The following CENPF variants were observed in gnomAD, a reference collection of about 807,000 sequenced individuals.
CENPF encodes the protein centromere protein F.
In CENPF, 214 loss-of-function variants were observed where a neutral mutation model predicts 307.3. The observed-to-expected ratio is 0.70, with a 90% confidence interval of 0.62 to 0.78. The LOEUF (loss-of-function observed/expected upper bound fraction) is 0.78, where lower values mean the gene tolerates loss of function less well. Ranked by LOEUF, CENPF falls within the 30% of genes least tolerant of loss-of-function variation. The pLI is 0.00. For synonymous variants in CENPF, 1,259 were observed against 1,270.6 expected (o/e 0.99, Z 0.19); for missense variants, 3,401 against 3,483.9 (o/e 0.98, Z 0.60).
Position 214,657,387 on chromosome 1 carries a change from A to T in CENPF, c.8940A>T (p.Gly2980=). 2 of 1,608,004 alleles carry T rather than the reference A, an allele frequency of 1.2e-6. No individual in the cohort carries two copies. The highest frequency in any genetic ancestry group is 1.7e-6 in the Non-Finnish European group (2 of 1,178,448). Reference sequence around the variant, plus strand: ...AAGGTACTGAGTTTGAGCCAGAGGGACTTCCAGAAGTTGTAAAGAAAGGTA... The same window carrying T: ...AAGGTACTGAGTTTGAGCCAGAGGGTCTTCCAGAAGTTGTAAAGAAAGGTA... ...DTEGTEFEPE[G]LPEVVKKGFA... Residue 2980 remains glycine, a synonymous_variant, in exon 18 of 20, where the codon GGA becomes GGT. Coordinates refer to ENST00000366955, the MANE Select transcript of CENPF (RefSeq NM_016343.4).
rs1657112657 is a variant in CENPF at position 214,608,779 on chromosome 1, C to T, written c.-41-4935C>T. 14 of 1,600,570 alleles carry T rather than the reference C, an allele frequency of 8.7e-6. 1 individual carries two copies. In the South Asian group the frequency reaches 9.9e-5, roughly 11 times the overall value. On this transcript the variant is annotated intron_variant, in intron 1 of 19. Transcript: ENST00000366955. The stretch of plus-strand genomic sequence containing the variant: ...CAGGAAGGCGAGCTTGGCAGCGATG[C>T]GGCCGGGGCAGGGCGGGCAGCAGAA...
intron 2 of CENPF, 84 bp downstream of exon 2, chr1:214,614,000 T>C: frequency 2.4e-6 from 3 of 1,270,660 alleles, no homozygotes; most frequent in Middle Eastern, 4.0e-4. Context: ...CACTCATTTT[T>C]GGATTAATTA....
At position 214,652,913 on chromosome 1, in the gene CENPF, T is replaced by G; in HGVS notation, c.8246T>G (p.Leu2749Ter). Residue 2749 changes from leucine (L) to a stop codon, truncating the protein, a stop_gained, in exon 16 of 20, where the codon TTA becomes TGA. Coordinates refer to ENST00000366955, the MANE Select transcript of CENPF (RefSeq NM_016343.4). LOFTEE classifies it high-confidence loss of function. Reference protein sequence around the residue: ...LSSQKLEIDLLKSSKEELNNS... With the variant: ...LSSQKLEIDL ...TCACAGAAGCTGGAGATAGACCTTT[T>G]AAAGTCTAGTAAAGAAGAGCTCAAT... The G allele has an allele frequency of 6.2e-7, 1 of 1,606,272 alleles. No homozygotes were observed. Among genetic ancestry groups the G allele is most frequent in the Non-Finnish European group, 8.5e-7 (1 of 1,176,272 alleles).
At position 214,632,575 on chromosome 1, in the gene CENPF, G is replaced by A. The variant is rs549689911; in HGVS notation, c.1419G>A (p.Lys473=). 1 of 1,614,076 alleles carries A rather than the reference G, an allele frequency of 6.2e-7. No individual in the cohort carries two copies. The highest frequency in any genetic ancestry group is 2.2e-5 in the East Asian group (1 of 44,862). ...AGGCGTTCCAGGCGAGTCAGATCAA[G>A]GAGAATGAGCTGAGGAGAAGCATGG... ...AEQAFQASQI[K]ENELRRSMEE... Residue 473 remains lysine (K), a synonymous_variant, in exon 10 of 20, where the codon AAG becomes AAA. Transcript: ENST00000366955.
At chr1:214,639,108 A>G (rs1658037761) in intron 11 of CENPF, among the ~76,000 whole-genome samples, 1 of 152,130 alleles carries the variant, frequency 6.6e-6, no homozygotes, top group African/African-American at 2.4e-5. Flanking sequence ...AATACATGTT[A>G]CCTTTATCAT....
chr1:214,648,890 T>G, intron 14 of CENPF, 63 bp downstream of exon 14: 2 of 1,528,362 alleles, frequency 1.3e-6, no homozygotes, highest in Middle Eastern at 1.8e-4. Context: ...CTCTCCTTAT[T>G]GGTTCCTGTA....
intron 1 of CENPF, among the ~76,000 whole-genome samples, chr1:214,609,111 G>A (rs1218097435): frequency 1.3e-5 from 2 of 151,582 alleles, no homozygotes; most frequent in Non-Finnish European, 2.9e-5. Context: ...CCCCAGGGCC[G>A]CACTCCATGG....
In CENPF at chr1:214,641,339, G is replaced by A. The variant is rs1658106562; in HGVS notation, c.3001G>A (p.Ala1001Thr). 6.2e-7 allele frequency: 1 copy of A among 1,612,092 alleles called. No individual in the cohort carries two copies. Among genetic ancestry groups the A allele is most frequent in the Non-Finnish European group, 8.5e-7 (1 of 1,179,528 alleles). ...MNLIQKSESFANYIDEREKSI... is the reference protein window; with the variant it reads ...MNLIQKSESFTNYIDEREKSI... ...CTTAATCCAGAAAAGTGAGAGTTTT[G>A]CAAACTATATAGATGAAAGGGAGAA... The change falls in exon 12 of 20, where the codon GCA becomes ACA. Residue 1001 changes from alanine to threonine, a missense_variant. Transcript: ENST00000366955.
At chr1:214,626,692 A>C (rs1038093902) in intron 7 of CENPF, among the ~76,000 whole-genome samples, 2 of 152,204 alleles carry the variant, frequency 1.3e-5, no homozygotes, top group Non-Finnish European at 2.9e-5. Context: ...CTAATCAGTA[A>C]AATTGTGTTA....
chr1:214,661,669 G>A (rs914393385), intron 19 of CENPF, among the ~76,000 whole-genome samples: 1 of 152,190 alleles, frequency 6.6e-6, no homozygotes, highest in Admixed American at 6.5e-5. Context: ...TTGTAGACCT[G>A]ATCTCCTGAA....
chr1:214,643,502 C>T (rs1043594043), intron 12 of CENPF, among the ~76,000 whole-genome samples, 178 bp downstream of exon 12: 2 of 151,790 alleles, frequency 1.3e-5, no homozygotes, highest in Admixed American at 6.5e-5. Context: ...AATGAGTAAA[C>T]GTTATTTGAG....
In CENPF at chr1:214,656,930, C is replaced by G; in HGVS notation, c.8486-3C>G. On this transcript the variant is annotated splice_region_variant and splice_polypyrimidine_tract_variant and intron_variant, in intron 17 of 19. Coordinates refer to ENST00000366955, the MANE Select transcript of CENPF (RefSeq NM_016343.4). The stretch of plus-strand genomic sequence containing the variant: ...ACATGATGTGTTGCTTTACTTTGGA[C>G]AGGTACTGTTATGGATACCAAGGTC... 1 of 1,578,914 alleles carries G rather than the reference C, an allele frequency of 6.3e-7. No individual in the cohort carries two copies. Among genetic ancestry groups the G allele is most frequent in the Non-Finnish European group, 8.6e-7 (1 of 1,162,306 alleles).
At chr1:214,605,760 T>TG (rs1219115475) in intron 1 of CENPF, 2 of 1,593,976 alleles carry the variant, frequency 1.3e-6, no homozygotes, top group African/African-American at 1.3e-5. Flanking sequence ...TCGTTGTGCC[T>TG]GGTGCCCTCC....
At chr1:214,612,032 T>G (rs1291589836) in intron 1 of CENPF, among the ~76,000 whole-genome samples, 1 of 152,190 alleles carries the variant, frequency 6.6e-6, no homozygotes, top group Admixed American at 6.5e-5. Flanking sequence ...ATAGGAGTAG[T>G]GGAAGAGGGC....
intron 1 of CENPF, among the ~76,000 whole-genome samples, chr1:214,610,121 G>A (rs1657161011): frequency 1.3e-5 from 2 of 151,436 alleles, no homozygotes; most frequent in African/African-American, 4.9e-5. Flanking sequence ...GCCTCCCAAA[G>A]TGTTGGGATT....
chr1:214,616,684 G>C (rs973066126), intron 3 of CENPF, among the ~76,000 whole-genome samples: 51 of 152,106 alleles, frequency 3.4e-4, no homozygotes, highest in African/African-American at 1.2e-3. Flanking sequence ...GTTTCCTACT[G>C]TAAGCTCAGA....
chr1:214,632,916 C>T (rs1443643859), intron 10 of CENPF, among the ~76,000 whole-genome samples: 4 of 151,874 alleles, frequency 2.6e-5, no homozygotes, highest in Admixed American at 6.6e-5. Flanking sequence ...TTTTAGACCC[C>T]CAGGGAGGTG....
chr1:214,607,732 T>G (rs967351347), intron 1 of CENPF, among the ~76,000 whole-genome samples: 97 of 152,118 alleles, frequency 6.4e-4, no homozygotes, highest in African/African-American at 2.3e-3. Context: ...CAAACACCAG[T>G]GAAGGCCCCA....
At chr1:214,616,195 G>A (rs927933785) in intron 3 of CENPF, among the ~76,000 whole-genome samples, 2 of 151,936 alleles carry the variant, frequency 1.3e-5, no homozygotes, top group African/African-American at 2.4e-5. Flanking sequence ...TTTCTTCTTA[G>A]GGGGAAGAAG....
Sources: gnomAD v4.1 joint callset for allele counts (sites outside exome capture counted in the v4.1 genomes callset) on GRCh38, gnomAD v4.1.1 for gene constraint, MANE v1.5 for transcripts, NCBI Gene and HGNC (gene_info 2026-07-23, HGNC 2026-07-21) for gene names.